Variants in UGT1A10 observed in about 807,000 individuals in gnomAD.
UGT1A10 encodes the protein UDP glucuronosyltransferase family 1 member A10.
Under a neutral mutation model 45.8 loss-of-function variants are expected in UGT1A10, and 49 were observed. That is an observed-to-expected ratio of 1.07 (90% confidence interval 0.85 to 1.36). UGT1A10 has a LOEUF of 1.36. Among genes scored for constraint, UGT1A10 ranks in the 40% most tolerant of loss-of-function variants. The pLI is 0.00. For missense variants in UGT1A10, 745 were observed against 668.6 expected (o/e 1.11, Z -1.26); for synonymous variants, 284 against 249.7 (o/e 1.14, Z -1.29).
intron 1 of UGT1A10, among the ~76,000 whole-genome samples, chr2:233,712,623 C>T (rs5020121): frequency 0.1 from 15,461 of 152,214 alleles, 906 homozygotes; most frequent in East Asian, 0.2. Flanking sequence ...GGTGACTCCT[C>T]AGACCTCAGC....
intron 1 of UGT1A10, among the ~76,000 whole-genome samples, chr2:233,644,869 T>C (rs1353707918): frequency 6.6e-6 from 1 of 152,204 alleles, no homozygotes; most frequent in African/African-American, 2.4e-5. Flanking sequence ...GAAGGTGGTT[T>C]TTCCTGTGTA....
intron 1 of UGT1A10, chr2:233,755,333 G>A (rs878855763): frequency 4.4e-6 from 2 of 455,268 alleles, no homozygotes; most frequent in South Asian, 1.9e-5. Flanking sequence ...CAGCACCCGC[G>A]CACAGGTCAG....
chr2:233,720,815 C>T (rs1284944346), intron 1 of UGT1A10, among the ~76,000 whole-genome samples: 2 of 151,724 alleles, frequency 1.3e-5, no homozygotes, highest in Non-Finnish European at 1.5e-5. Flanking sequence ...AAGAAATTCT[C>T]CCACCTCAGT....
At chr2:233,740,222 C>T (rs1446035659) in intron 1 of UGT1A10, among the ~76,000 whole-genome samples, 1 of 151,764 alleles carries the variant, frequency 6.6e-6, no homozygotes, top group Non-Finnish European at 1.5e-5. Context: ...TCAGCTGCGT[C>T]TTTATAGCAG....
intron 1 of UGT1A10, among the ~76,000 whole-genome samples, chr2:233,704,944 T>C (rs1231562726): frequency 6.6e-6 from 1 of 152,116 alleles, no homozygotes; most frequent in Non-Finnish European, 1.5e-5. Flanking sequence ...AAGACCAGCC[T>C]GGCCAACATG....
chr2:233,649,430 A>G (rs1034591191), intron 1 of UGT1A10, among the ~76,000 whole-genome samples: 1 of 152,216 alleles, frequency 6.6e-6, no homozygotes, highest in Non-Finnish European at 1.5e-5. Context: ...ACTAACCTGT[A>G]CTACCTGCTG....
intron 1 of UGT1A10, among the ~76,000 whole-genome samples, chr2:233,653,377 G>A (rs1480147265): frequency 2.0e-5 from 3 of 152,130 alleles, no homozygotes; most frequent in Non-Finnish European, 4.4e-5. Context: ...TGTATCAATT[G>A]TGAGAAGATG....
In UGT1A10 at chr2:233,730,352, T is replaced by A. The variant is rs190569786; in HGVS notation, c.856-36682T>A. On this transcript the variant is annotated intron_variant, in intron 1 of 4. Coordinates refer to ENST00000344644, the MANE Select transcript of UGT1A10 (RefSeq NM_019075.4). ...ACGTTTGGAACTGATCCATCCTGGA[T>A]TTTTTGCTAGCATGATTTTCAGGGG... 3.3e-5 allele frequency among the ~76,000 whole-genome samples: 5 copies of A among 152,298 alleles called. No homozygotes were observed. The East Asian group carries it at 9.6e-4, about 29-fold the overall frequency.
intron 1 of UGT1A10, among the ~76,000 whole-genome samples, chr2:233,696,879 A>G (rs566560461): frequency 1.3e-5 from 2 of 152,306 alleles, no homozygotes; most frequent in African/African-American, 2.4e-5. Flanking sequence ...TCTACAACAT[A>G]TGAGTTCTGT....
intron 1 of UGT1A10, chr2:233,648,936 G>A: frequency 1.4e-6 from 2 of 1,416,172 alleles, no homozygotes; most frequent in Non-Finnish European, 2.0e-6. Flanking sequence ...TGCTGCGAAT[G>A]GACTTTGTTT....
Position 233,724,489 on chromosome 2 carries a change from G to A in UGT1A10, c.856-42545G>A, listed in dbSNP as rs571092299. Among the ~76,000 whole-genome samples the A allele has an allele frequency of 7.6e-3, 558 of 73,198 alleles. 28 individuals carry two copies. The highest frequency in any genetic ancestry group is 0.012 in the Non-Finnish European group (429 of 34,572). 48.0% of individuals were successfully genotyped at this position (73,198 alleles called of 152,430 possible). A position where few individuals can be genotyped will look rare whatever the true frequency, so the allele number is the denominator to read the frequency against. ...GGGCTCCTCACTTCTCAGACGGGGC[G>A]GCCGGGCAGAGACGCTCCTCACCTC... On this transcript the variant is annotated intron_variant, in intron 1 of 4. Coordinates refer to ENST00000344644, the MANE Select transcript of UGT1A10 (RefSeq NM_019075.4).
chr2:233,637,274 G>T lies in UGT1A10; in HGVS notation c.752G>T (p.Trp251Leu), dbSNP rs769058509. The T allele has an allele frequency of 1.2e-6, 2 of 1,613,938 alleles. No individual in the cohort carries two copies. The highest frequency in any genetic ancestry group is 1.7e-5 in the Admixed American group (1 of 60,008). The part of the protein sequence containing the change: ...AYDLYSHTSI[W>L]LLRTDFVLDY... Reference sequence around the variant, plus strand: ...GATCTCTACAGTCACACATCAATTTGGTTGTTGCGAACGGACTTTGTTTTG... The same window carrying T: ...GATCTCTACAGTCACACATCAATTTTGTTGTTGCGAACGGACTTTGTTTTG... The change falls in exon 1 of 5, where the codon TGG becomes TTG. Residue 251 changes from tryptophan (W) to leucine (L), a missense_variant. Transcript: ENST00000344644.
At chr2:233,681,416 C>T (rs1050679967) in intron 1 of UGT1A10, among the ~76,000 whole-genome samples, 1 of 151,512 alleles carries the variant, frequency 6.6e-6, no homozygotes, top group African/African-American at 2.4e-5. Context: ...CGCCTGTAAT[C>T]CCAGCTACTG....
In UGT1A10 at chr2:233,767,937, G is replaced by T. The variant is rs587784535; in HGVS notation, c.1075+1G>T. Reference sequence around the variant, plus strand: ...TGGCTACCCCAAAACGATCTGCTTGGTATGTTGGGCGGATTGGATGTATAG... The same window carrying T: ...TGGCTACCCCAAAACGATCTGCTTGTTATGTTGGGCGGATTGGATGTATAG... On this transcript the variant is annotated splice_donor_variant, in intron 3 of 4. Coordinates refer to ENST00000344644, the MANE Select transcript of UGT1A10 (RefSeq NM_019075.4). LOFTEE classifies it high-confidence loss of function. 5 of 1,614,210 alleles carry T rather than the reference G, an allele frequency of 3.1e-6. No individual in the cohort carries two copies. The highest frequency in any genetic ancestry group is 4.2e-6 in the Non-Finnish European group (5 of 1,180,052).
intron 1 of UGT1A10, among the ~76,000 whole-genome samples, chr2:233,749,245 A>G (rs1371671760): frequency 6.6e-6 from 1 of 151,908 alleles, no homozygotes; most frequent in Admixed American, 6.5e-5. Context: ...ATCAAACCAC[A>G]TGATTTTTTT....
intron 1 of UGT1A10, among the ~76,000 whole-genome samples, chr2:233,667,550 A>G (rs1208145569): frequency 2.6e-5 from 4 of 152,256 alleles, no homozygotes; most frequent in Admixed American, 2.6e-4. Flanking sequence ...ATTAAACTAA[A>G]GAGCTTCTGC....
chr2:233,741,661 C>T (rs1691734186), intron 1 of UGT1A10: 1 of 151,910 alleles, frequency 6.6e-6, no homozygotes, highest in African/African-American at 2.4e-5. Flanking sequence ...CTGCCATGTT[C>T]CTGCTGTTTA....
At chr2:233,763,196 G>C (rs1166459393) in intron 1 of UGT1A10, among the ~76,000 whole-genome samples, 1 of 152,152 alleles carries the variant, frequency 6.6e-6, no homozygotes, top group Non-Finnish European at 1.5e-5. Context: ...TGCCTTGTTT[G>C]GTGCAGTCAG....
intron 1 of UGT1A10, among the ~76,000 whole-genome samples, chr2:233,671,296 C>G (rs114918870): frequency 6.6e-6 from 1 of 152,132 alleles, no homozygotes; most frequent in Admixed American, 6.5e-5. Flanking sequence ...AAATAGGAGA[C>G]GGTTACTTTC....
Sources: gnomAD v4.1 joint callset for allele counts (sites outside exome capture counted in the v4.1 genomes callset) on GRCh38, gnomAD v4.1.1 for gene constraint, MANE v1.5 for transcripts, NCBI Gene and HGNC (gene_info 2026-07-23, HGNC 2026-07-21) for gene names.